The following GUCY2C variants were observed in gnomAD, a reference collection of about 807,000 sequenced individuals.
The protein encoded by GUCY2C is guanylate cyclase 2C, also known as guanylyl cyclase C.
A neutral mutation model predicts 131.1 loss-of-function variants in GUCY2C; 118 were observed. The ratio of observed to expected loss-of-function variants is 0.90; its 90% CI spans 0.78 to 1.05. The LOEUF (loss-of-function observed/expected upper bound fraction) is 1.05, where lower values mean the gene tolerates loss of function less well. Among genes scored for constraint, GUCY2C ranks in the 50% least tolerant of loss-of-function variants. The pLI, the probability that GUCY2C is intolerant of heterozygous loss-of-function variation, is 0.00. For synonymous variants in GUCY2C, 452 were observed against 457.8 expected, an observed-to-expected ratio of 0.99 and a Z score of 0.16; for missense variants, 1,161 against 1,304.4, an observed-to-expected ratio of 0.89 and a Z score of 1.69.
At chr12:14,622,833 T>C (rs1319153542) in intron 21 of GUCY2C, among the ~76,000 whole-genome samples, 1 of 152,192 alleles carries the variant, frequency 6.6e-6, no homozygotes, top group African/African-American at 2.4e-5. Context: ...GAAGTCAAAT[T>C]AAAGCAACTT....
intron 22 of GUCY2C, 97 bp downstream of exon 22, chr12:14,621,908 A>AGAGC: frequency 1.3e-6 from 1 of 757,564 alleles, no homozygotes; most frequent in Non-Finnish European, 2.1e-6. Context: ...ATGTGAAACT[A>AGAGC]GAGCGGTCAA....
chr12:14,683,999 T>A (rs1375065434), intron 3 of GUCY2C, among the ~76,000 whole-genome samples: 1 of 152,192 alleles, frequency 6.6e-6, no homozygotes, highest in Admixed American at 6.5e-5. Context: ...CCTCCCTTTC[T>A]ATGTCCACTT....
chr12:14,682,726 C>G (rs1278907830), intron 4 of GUCY2C, among the ~76,000 whole-genome samples: 5 of 152,112 alleles, frequency 3.3e-5, no homozygotes, highest in Admixed American at 2.0e-4. Flanking sequence ...TTTCATTTTC[C>G]TTGTCTATAA....
chr12:14,625,494 AT>A (rs1438012238), intron 21 of GUCY2C, among the ~76,000 whole-genome samples: 2 of 151,512 alleles, frequency 1.3e-5, no homozygotes, highest in Non-Finnish European at 1.5e-5. Context: ...CACCTGGCTA[AT>A]TTTTTTTATT....
At chr12:14,627,119 G>A (rs1314666380) in intron 20 of GUCY2C, among the ~76,000 whole-genome samples, 1 of 152,178 alleles carries the variant, frequency 6.6e-6, no homozygotes, top group East Asian at 1.9e-4. Flanking sequence ...GACACATTGA[G>A]TTCTCCTAGC....
chr12:14,645,266 C>A lies in GUCY2C; in HGVS notation c.1760G>T (p.Trp587Leu). The A allele has an allele frequency of 6.3e-7, 1 of 1,596,022 alleles. No individual in the cohort carries two copies. Among genetic ancestry groups the A allele is most frequent in the Non-Finnish European group, 8.6e-7 (1 of 1,164,184 alleles). Reference protein sequence around the residue: ...ISYPDGTFMDWEFKISVLYDI... With the variant: ...ISYPDGTFMDLEFKISVLYDI... The stretch of plus-strand genomic sequence containing the variant: ...ATACAAGACAGAGATCTTAAACTCC[C>A]AATCCATGAATGTGCCATCAGGGTA... The change falls in exon 16 of 27, where the codon TGG (tryptophan) becomes TTG (leucine). Residue 587 changes from tryptophan to leucine, a missense_variant. Trp to Leu is a moderately conservative substitution (Grantham distance 61). Transcript: ENST00000261170.
chr12:14,624,400 C>T (rs1368676796), intron 21 of GUCY2C, among the ~76,000 whole-genome samples: 8 of 151,936 alleles, frequency 5.3e-5, no homozygotes, highest in African/African-American at 1.7e-4. Context: ...GAGCTCATGT[C>T]GTTGCACTCC....
chr12:14,625,923 T>C lies in GUCY2C; in HGVS notation c.2250-8A>G, dbSNP rs901382420. The C allele has an allele frequency of 2.6e-6, 4 of 1,563,514 alleles. No individual in the cohort carries two copies. The African/African-American group carries it at 5.4e-5, about 21-fold the overall frequency. ...TTTTGGTCATGAAAAAGTCTGTAGGTAGTAATAGATAAAGAGCTCTTATAT... is the reference window on the plus strand; with the variant it reads ...TTTTGGTCATGAAAAAGTCTGTAGGCAGTAATAGATAAAGAGCTCTTATAT... On this transcript the variant is annotated splice_region_variant and splice_polypyrimidine_tract_variant and intron_variant, in intron 20 of 26. Transcript: ENST00000261170.
chr12:14,690,721 T>C (rs532466638), intron 1 of GUCY2C, among the ~76,000 whole-genome samples: 1 of 152,202 alleles, frequency 6.6e-6, no homozygotes, highest in Admixed American at 6.5e-5. Context: ...TTTTGTAGTT[T>C]TAGTAGAGAC....
Position 14,613,359 on chromosome 12 carries a change from G to A in GUCY2C, c.3048-68C>T. 8.4e-7 allele frequency: 1 copy of A among 1,184,964 alleles called. No homozygotes were observed. 73.4% of individuals were successfully genotyped at this position (1,184,964 alleles called of 1,614,324 possible). On this transcript the variant is annotated intron_variant, in intron 26 of 26. Transcript: ENST00000261170. This position sits in a 1 kb window ranked among gnomAD's most constrained non-coding sequence, Gnocchi z 4.9. ...TCATACAGAATATTCCTTAGCTCCA[G>A]AATAATCAGTTCAGTTAGTCAGTTA...
Position 14,656,552 on chromosome 12 carries a change from A to G in GUCY2C, c.1430T>C (p.Phe477Ser). 1 of 1,603,608 alleles carries G rather than the reference A, an allele frequency of 6.2e-7. No homozygotes were observed. Among genetic ancestry groups the G allele is most frequent in the Non-Finnish European group, 8.5e-7 (1 of 1,170,458 alleles). ...ATTGGTCTCATTGGTCTCCAGAGGA[A>G]AGATATTTTCAGGAGGAATGTGGGA... is the stretch of plus-strand genomic sequence containing the variant. Reference protein sequence around the residue: ...KWSHIPPENIFPLETNETNHV... With the variant: ...KWSHIPPENISPLETNETNHV... The change falls in exon 12 of 27, where the codon TTT becomes TCT. Residue 477 changes from phenylalanine to serine, a missense_variant. Physicochemically the swap from Phe to Ser is radical, Grantham distance 155. Coordinates refer to ENST00000261170, the MANE Select transcript of GUCY2C (RefSeq NM_004963.4).
At chr12:14,670,076 G>A (rs766378050) in intron 9 of GUCY2C, among the ~76,000 whole-genome samples, 2 of 152,156 alleles carry the variant, frequency 1.3e-5, no homozygotes, top group Non-Finnish European at 2.9e-5. Context: ...ATTAACTCCT[G>A]TCTGTCCAGC....
chr12:14,689,640 C>T lies in GUCY2C; in HGVS notation c.218-1577G>A, dbSNP rs116511737. On this transcript the variant is annotated intron_variant, in intron 1 of 26. Transcript: ENST00000261170. ...AAATAGTGGGATCTGAAATGGAAGC[C>T]GTGATTATCTCATCCCAAACCAATT... 5.1e-4 allele frequency among the ~76,000 whole-genome samples: 78 copies of T among 152,218 alleles called. 1 individual carries two copies. The highest frequency in any genetic ancestry group is 1.7e-3 in the African/African-American group (72 of 41,532).
intron 19 of GUCY2C, among the ~76,000 whole-genome samples, chr12:14,631,904 CTT>C (rs1937917790): frequency 1.3e-5 from 2 of 150,512 alleles, no homozygotes; most frequent in South Asian, 4.2e-4. Flanking sequence ...TGTTTCCTGA[CTT>C]TTTAATGATT....
chr12:14,672,985 G>A (rs763638677), intron 8 of GUCY2C, 27 bp from the exon 9 acceptor site: 17 of 1,344,966 alleles, frequency 1.3e-5, no homozygotes, highest in Non-Finnish European at 1.8e-5. Flanking sequence ...GTATGTTAGA[G>A]GCCATTCTTG....
chr12:14,679,555 A>G, intron 6 of GUCY2C, 102 bp downstream of exon 6: 1 of 685,058 alleles, frequency 1.5e-6, no homozygotes, highest in East Asian at 2.6e-5. Context: ...TTAACCCCAT[A>G]AGGGGTTGTA....
chr12:14,682,105 G>A (rs1407398633), intron 4 of GUCY2C, among the ~76,000 whole-genome samples: 1 of 152,142 alleles, frequency 6.6e-6, no homozygotes, highest in Non-Finnish European at 1.5e-5. Context: ...CAGCAACCCA[G>A]CCAGAAGATT....
At chr12:14,682,651 T>G (rs1258481942) in intron 4 of GUCY2C, among the ~76,000 whole-genome samples, 1 of 152,340 alleles carries the variant, frequency 6.6e-6, no homozygotes, top group East Asian at 1.9e-4. Context: ...ATTGTAGGTA[T>G]AGGCAAGATA....
At chr12:14,631,210 TATAA>T in intron 19 of GUCY2C, among the ~76,000 whole-genome samples, 1 of 152,192 alleles carries the variant, frequency 6.6e-6, no homozygotes. Context: ...GTTTAAAGAT[TATAA>T]ATGTCTTTTT....
Sources: gnomAD v4.1 joint callset for allele counts (sites outside exome capture counted in the v4.1 genomes callset) on GRCh38, gnomAD v4.1.1 for gene constraint, Gnocchi (gnomAD v3.1) non-coding constraint, MANE v1.5 for transcripts, NCBI Gene and HGNC (gene_info 2026-07-23, HGNC 2026-07-21) for gene names.